Variants in TLN2 observed in about 807,000 individuals in gnomAD.
TLN2 encodes talin 2.
Under a neutral mutation model 294.7 loss-of-function variants are expected in TLN2, and 118 were observed. The ratio of observed to expected loss-of-function variants is 0.40; its 90% CI spans 0.34 to 0.47. TLN2 has a LOEUF of 0.47. Among genes scored for constraint, TLN2 ranks in the 20% least tolerant of loss-of-function variants. TLN2 has a pLI of 0.84. For missense variants in TLN2, 3,083 were observed against 3,282.2 expected (o/e 0.94, Z 1.48); for synonymous variants, 1,431 against 1,304.5 (o/e 1.10, Z -2.09).
In TLN2 at chr15:62,638,800, G is replaced by A. The variant is rs573201756; in HGVS notation, c.-36-8475G>A. The stretch of plus-strand genomic sequence containing the variant: ...AGGTACTTTATTGTGAGCAATACAC[G>A]TGGTCCTTGCCCTTGGGGAGCTTCC... On this transcript the variant is annotated intron_variant, in intron 3 of 58. Transcript: ENST00000636159. 1.1e-4 allele frequency among the ~76,000 whole-genome samples: 17 copies of A among 152,210 alleles called. No homozygotes were observed. In the Middle Eastern group the frequency reaches 0.01, roughly 91 times the overall value.
At chr15:62,816,332 A>G (rs572200839) in intron 52 of TLN2, among the ~76,000 whole-genome samples, 34 of 152,362 alleles carry the variant, frequency 2.2e-4, no homozygotes, top group African/African-American at 7.9e-4. Context: ...TGCCTCTGCA[A>G]CTATCACAGT....
chr15:62,821,325 C>T lies in TLN2; in HGVS notation c.7002+715C>T, dbSNP rs368785678. On this transcript the variant is annotated intron_variant, in intron 54 of 58. Transcript: ENST00000636159. Reference sequence around the variant, plus strand: ...AGCAGGAAAATGGTAGAACCAGAGGCGGCCTGTTTTTCTTCCTATTCAAGT... The same window carrying T: ...AGCAGGAAAATGGTAGAACCAGAGGTGGCCTGTTTTTCTTCCTATTCAAGT... Among the ~76,000 whole-genome samples, 46 of 152,322 alleles carry T rather than the reference C, an allele frequency of 3.0e-4. No individual in the cohort carries two copies. In the East Asian group the frequency reaches 4.8e-3, roughly 16 times the overall value.
chr15:62,724,933 T>A (rs1331046677), intron 26 of TLN2, 43 bp from the exon 27 acceptor site: 1 of 1,576,756 alleles, frequency 6.3e-7, no homozygotes, highest in Non-Finnish European at 8.6e-7. Context: ...GGGACACTTT[T>A]CCCAAGCAGA....
Position 62,840,837 on chromosome 15 carries a change from A to G in TLN2, c.*227A>G, listed in dbSNP as rs887334032. On this transcript the variant is annotated 3_prime_UTR_variant, in exon 59 of 59. Coordinates refer to ENST00000636159, the MANE Select transcript of TLN2 (RefSeq NM_015059.3). ...CACAACTCCTCTGCCGCCTCCCCTCATGCCTCACCGTGTCTCAGGAGAGAG... is the reference window on the plus strand; with the variant it reads ...CACAACTCCTCTGCCGCCTCCCCTCGTGCCTCACCGTGTCTCAGGAGAGAG... The G allele has an allele frequency of 1.5e-5, 8 of 524,484 alleles. No homozygotes were observed. The highest frequency in any genetic ancestry group is 2.3e-5 in the Non-Finnish European group (7 of 304,772). 32.5% of individuals were successfully genotyped at this position (524,484 alleles called of 1,614,324 possible).
intron 1 of TLN2, among the ~76,000 whole-genome samples, chr15:62,564,927 T>TAG (rs2043273486): frequency 7.6e-6 from 1 of 132,284 alleles, no homozygotes; most frequent in Non-Finnish European, 1.6e-5. Flanking sequence ...AAAAAAAAAA[T>TAG]ATATATATAT....
chr15:62,691,372 A>G (rs1002954914), intron 12 of TLN2, among the ~76,000 whole-genome samples: 8 of 151,962 alleles, frequency 5.3e-5, no homozygotes, highest in African/African-American at 1.5e-4. Context: ...CCACACTACT[A>G]TTTAGTCTAT....
At chr15:62,659,076 C>A (rs1278281383) in intron 9 of TLN2, among the ~76,000 whole-genome samples, 1 of 152,150 alleles carries the variant, frequency 6.6e-6, no homozygotes, top group East Asian at 1.9e-4. Flanking sequence ...GGAAGGCGAT[C>A]CGAATGTAGT....
intron 1 of TLN2, among the ~76,000 whole-genome samples, chr15:62,537,320 T>C (rs2041418680): frequency 6.6e-6 from 1 of 152,194 alleles, no homozygotes. Flanking sequence ...CGGCCTGTCA[T>C]TGTAGTTTTT....
At chr15:62,708,863 A>G (rs971007389) in intron 21 of TLN2, 67 bp downstream of exon 21, 10 of 1,509,386 alleles carry the variant, frequency 6.6e-6, no homozygotes, top group Admixed American at 2.0e-5. Flanking sequence ...GTGCTAACCC[A>G]TAGGGAAGGT....
At chr15:62,704,013 C>G (rs1463861713) in intron 19 of TLN2, among the ~76,000 whole-genome samples, 2 of 152,178 alleles carry the variant, frequency 1.3e-5, no homozygotes, top group Non-Finnish European at 2.9e-5. Flanking sequence ...ATAAATATAT[C>G]CTAATTAAAT....
At chr15:62,815,384 A>G (rs1223737273) in intron 52 of TLN2, among the ~76,000 whole-genome samples, 1 of 152,184 alleles carries the variant, frequency 6.6e-6, no homozygotes, top group East Asian at 1.9e-4. Context: ...TGCTTGAAAA[A>G]TTGATCCCGT....
intron 1 of TLN2, among the ~76,000 whole-genome samples, chr15:62,401,223 G>C (rs552922433): frequency 6.6e-6 from 1 of 152,236 alleles, no homozygotes; most frequent in East Asian, 1.9e-4. Context: ...CCTTCTCACT[G>C]ATCTCCTAGT....
At chr15:62,705,061 C>T (rs774307779) in intron 19 of TLN2, among the ~76,000 whole-genome samples, 1 of 152,208 alleles carries the variant, frequency 6.6e-6, no homozygotes, top group Non-Finnish European at 1.5e-5. Context: ...AAAGCTTTTC[C>T]TGCCTCTCCC....
intron 21 of TLN2, among the ~76,000 whole-genome samples, chr15:62,711,108 T>G (rs1451584148): frequency 2.0e-5 from 3 of 152,196 alleles, no homozygotes; most frequent in Non-Finnish European, 4.4e-5. Flanking sequence ...GTAAAAGCTT[T>G]CTTCTTCCCC....
At chr15:62,437,664 G>A (rs2035349738) in intron 1 of TLN2, among the ~76,000 whole-genome samples, 1 of 152,054 alleles carries the variant, frequency 6.6e-6, no homozygotes, top group Non-Finnish European at 1.5e-5. Flanking sequence ...TCTAGTCCTA[G>A]CCCTTGCCTC....
intron 3 of TLN2, chr15:62,640,285 A>G (rs1187722268): frequency 2.2e-6 from 1 of 455,968 alleles, no homozygotes; most frequent in African/African-American, 2.0e-5. Context: ...ATGTAGACAC[A>G]GATGAATTAT....
chr15:62,814,738 C>T (rs562819270), intron 52 of TLN2, among the ~76,000 whole-genome samples: 1 of 152,176 alleles, frequency 6.6e-6, no homozygotes, highest in South Asian at 2.1e-4. Context: ...TTATAGAAAC[C>T]CTCACAACAG....
At chr15:62,406,196 A>G (rs1440548050) in intron 1 of TLN2, among the ~76,000 whole-genome samples, 1 of 152,226 alleles carries the variant, frequency 6.6e-6, no homozygotes, top group Non-Finnish European at 1.5e-5. Context: ...TCTGGAAGCT[A>G]GAAGTCTAAG....
At chr15:62,707,679 G>A (rs985415982) in intron 20 of TLN2, among the ~76,000 whole-genome samples, 2 of 152,178 alleles carry the variant, frequency 1.3e-5, no homozygotes, top group African/African-American at 4.8e-5. Context: ...TACACACTCA[G>A]TGTGTCATAC....
Sources: allele counts gnomAD v4.1 joint callset (sites outside exome capture counted in the v4.1 genomes callset), GRCh38; gene constraint gnomAD v4.1.1; transcripts MANE v1.5; gene names NCBI Gene and HGNC (gene_info 2026-07-23, HGNC 2026-07-21).